The following RGS6 variants were observed in gnomAD, a reference collection of about 807,000 sequenced individuals.
The protein encoded by RGS6 is regulator of G-protein signaling 6.
A neutral mutation model predicts 78.5 loss-of-function variants in RGS6; 30 were observed. The observed-to-expected ratio is 0.38, with a 90% confidence interval of 0.29 to 0.52. The LOEUF (loss-of-function observed/expected upper bound fraction) is 0.52, where lower values mean the gene tolerates loss of function less well. Ranked by LOEUF, RGS6 falls within the 20% of genes least tolerant of loss-of-function variation. The probability of loss-of-function intolerance (pLI) is 0.85; values close to 1 mark genes in which losing one functional copy is unlikely to be tolerated. For synonymous variants in RGS6, 206 were observed against 206.0 expected, an observed-to-expected ratio of 1.00 and a Z score of 0.00; for missense variants, 495 against 609.7, an observed-to-expected ratio of 0.81 and a Z score of 1.98.
chr14:72,312,222 ATTG>A (rs1415026482), intron 2 of RGS6, among the ~76,000 whole-genome samples: 5 of 107,176 alleles, frequency 4.7e-5, no homozygotes, highest in East Asian at 6.2e-4. Context: ...TGGCTGAGAA[ATTG>A]TTTTTTTTTT....
rs2038619903 is a variant in RGS6 at position 72,440,463 on chromosome 14, G to A, written c.185-14065G>A. The stretch of plus-strand genomic sequence containing the variant: ...GGAGTCTCGCTCTGTTGCCCAGGTT[G>A]GAGTGCAGTGGCATGATCTCGGCTC... On this transcript the variant is annotated intron_variant, in intron 3 of 17. Coordinates refer to ENST00000553525, the MANE Select transcript of RGS6 (RefSeq NM_001204424.2). Among the ~76,000 whole-genome samples, 4 of 145,808 alleles carry A rather than the reference G, an allele frequency of 2.7e-5. 1 individual carries two copies. In the South Asian group the frequency reaches 8.7e-4, roughly 32 times the overall value.
the RGS6 span, among the ~76,000 whole-genome samples, chr14:72,593,834 G>A: frequency 1.5e-3 from 235 of 152,160 alleles, 1 homozygote; most frequent in African/African-American, 5.4e-3. Flanking sequence ...TTCTTAGAAT[G>A]TCCAGAAGCT....
chr14:71,885,877 TTC>T, the RGS6 span, among the ~76,000 whole-genome samples: 1 of 151,606 alleles, frequency 6.6e-6, no homozygotes, highest in African/African-American at 2.4e-5. Context: ...TGAGATAAAA[TTC>T]TTTCTTTCCT....
chr14:72,272,977 G>T (rs370521612), intron 2 of RGS6, among the ~76,000 whole-genome samples: 2 of 152,124 alleles, frequency 1.3e-5, no homozygotes, highest in Non-Finnish European at 2.9e-5. Context: ...TTAGCAGGGC[G>T]TGGTGGCAGG....
chr14:71,979,464 T>C (rs1307239380), intron 2 of RGS6, among the ~76,000 whole-genome samples: 2 of 151,938 alleles, frequency 1.3e-5, no homozygotes, highest in African/African-American at 4.8e-5. Flanking sequence ...GTATGTTGTG[T>C]CTTTGTTCTC....
chr14:72,560,986 C>T (rs1426452099), intron 17 of RGS6, among the ~76,000 whole-genome samples: 2 of 152,078 alleles, frequency 1.3e-5, no homozygotes, highest in African/African-American at 4.8e-5. Flanking sequence ...GGACAAACTC[C>T]CATCTATAGC....
At chr14:72,498,136 A>G (rs2083264248) in intron 13 of RGS6, among the ~76,000 whole-genome samples, 1 of 152,016 alleles carries the variant, frequency 6.6e-6, no homozygotes, top group Admixed American at 6.5e-5. Context: ...CATTTCCAAG[A>G]CTTCTTAATA....
At chr14:72,078,930 A>G (rs2094702229) in intron 2 of RGS6, among the ~76,000 whole-genome samples, 1 of 152,018 alleles carries the variant, frequency 6.6e-6, no homozygotes. Context: ...CTTGTACTAG[A>G]TTTATCAGAA....
chr14:72,512,675 T>A (rs2096893052), intron 14 of RGS6, among the ~76,000 whole-genome samples: 1 of 152,254 alleles, frequency 6.6e-6, no homozygotes. Flanking sequence ...AAATCCTCTC[T>A]GGATGCCCAA....
At chr14:71,989,600 C>T (rs1460432820) in intron 2 of RGS6, among the ~76,000 whole-genome samples, 1 of 152,190 alleles carries the variant, frequency 6.6e-6, no homozygotes, top group Non-Finnish European at 1.5e-5. Context: ...CTAGGCTCAA[C>T]CAGCTTTTAG....
the RGS6 span, among the ~76,000 whole-genome samples, chr14:72,585,043 C>T: frequency 6.9e-6 from 1 of 145,730 alleles, no homozygotes; most frequent in Non-Finnish European, 1.5e-5. Context: ...AGCATTATGT[C>T]GTCTTCATTT....
At chr14:71,998,388 A>G (rs906362222) in intron 2 of RGS6, among the ~76,000 whole-genome samples, 1 of 152,112 alleles carries the variant, frequency 6.6e-6, no homozygotes, top group Non-Finnish European at 1.5e-5. Context: ...TTCCTTTCAC[A>G]TTACAAAATC....
At chr14:71,997,332 C>T (rs1251711237) in intron 2 of RGS6, among the ~76,000 whole-genome samples, 2 of 152,084 alleles carry the variant, frequency 1.3e-5, no homozygotes, top group African/African-American at 4.8e-5. Context: ...TGTGGGAAGT[C>T]CAGAGCGCAG....
chr14:72,353,987 A>AACT (rs1555348506), intron 3 of RGS6, among the ~76,000 whole-genome samples: 2 of 151,378 alleles, frequency 1.3e-5, no homozygotes, highest in African/African-American at 4.9e-5. Flanking sequence ...CTGTCTCAGC[A>AACT]ACAACAACAA....
At chr14:72,302,336 G>GAATGA (rs2066254266) in intron 2 of RGS6, among the ~76,000 whole-genome samples, 1 of 152,216 alleles carries the variant, frequency 6.6e-6, no homozygotes, top group Non-Finnish European at 1.5e-5. Flanking sequence ...AACCCAAGAA[G>GAATGA]AATGGCTACA....
At chr14:72,626,835 A>C in the RGS6 span, among the ~76,000 whole-genome samples, 1 of 152,112 alleles carries the variant, frequency 6.6e-6, no homozygotes, top group African/African-American at 2.4e-5. Flanking sequence ...CTTCATCAAC[A>C]GGATATATTG....
the RGS6 span, among the ~76,000 whole-genome samples, chr14:71,899,167 T>G: frequency 6.6e-6 from 1 of 151,344 alleles, no homozygotes; most frequent in Non-Finnish European, 1.5e-5. Context: ...CCACACAGGT[T>G]GACTATAGAA....
chr14:71,963,702 C>T (rs777097518), intron 1 of RGS6, among the ~76,000 whole-genome samples: 26 of 152,170 alleles, frequency 1.7e-4, no homozygotes, highest in Admixed American at 1.3e-4. Flanking sequence ...TACTTTATTT[C>T]TTTTTATTGC....
chr14:71,928,564 G>A (rs1314035758), upstream of RGS6, among the ~76,000 whole-genome samples: 1 of 152,176 alleles, frequency 6.6e-6, no homozygotes, highest in African/African-American at 2.4e-5. Flanking sequence ...GCCTGTCAAT[G>A]AAGTTATTGA....
Sources: allele counts gnomAD v4.1 joint callset (sites outside exome capture counted in the v4.1 genomes callset), GRCh38; gene constraint gnomAD v4.1.1; transcripts MANE v1.5; gene names NCBI Gene and HGNC (gene_info 2026-07-23, HGNC 2026-07-21).